GAB1: variants seen among roughly 807,000 people sequenced by gnomAD.
The protein encoded by GAB1 is GRB2 associated binding protein 1.
GAB1 carries 19 observed loss-of-function variants against 66.5 expected under a neutral mutation model. That is an observed-to-expected ratio of 0.29 (90% CI 0.20 to 0.42). The LOEUF (loss-of-function observed/expected upper bound fraction) is 0.42, where lower values mean the gene tolerates loss of function less well. Among genes scored for constraint, GAB1 ranks in the 10% least tolerant of loss-of-function variants. The pLI is 1.00. For synonymous variants in GAB1, 294 were observed against 301.4 expected, an observed-to-expected ratio of 0.98 and a Z score of 0.25; for missense variants, 732 against 858.5, an observed-to-expected ratio of 0.85 and a Z score of 1.84.
At chr4:143,382,021 C>T (rs887277818) in intron 1 of GAB1, 1 of 152,194 alleles carries the variant, frequency 6.6e-6, no homozygotes, top group Non-Finnish European at 1.5e-5. Flanking sequence ...TTAGGCCGCT[C>T]ACATGAAAGG....
At chr4:143,445,526 C>T (rs1048367484) in intron 6 of GAB1, among the ~76,000 whole-genome samples, 2 of 152,114 alleles carry the variant, frequency 1.3e-5, no homozygotes, top group Non-Finnish European at 1.5e-5. Context: ...TATTTTCTCC[C>T]ATTCTGTAGG....
rs189023325 is a variant in GAB1, at chr4:143,416,923, G to C, written c.367+1152G>C. Reference sequence around the variant, plus strand: ...AAATTGCAACCTCAAGCATAAATAGGTTATGAAGTTAGGAAATAGCCAAGG... The same window carrying C: ...AAATTGCAACCTCAAGCATAAATAGCTTATGAAGTTAGGAAATAGCCAAGG... On this transcript the variant is annotated intron_variant, in intron 2 of 9. Coordinates refer to ENST00000262994, the MANE Select transcript of GAB1 (RefSeq NM_002039.4). 3.3e-4 allele frequency among the ~76,000 whole-genome samples: 50 copies of C among 152,254 alleles called. 1 individual carries two copies. Among genetic ancestry groups the C allele is most frequent in the Admixed American group, 3.0e-3 (46 of 15,304 alleles).
chr4:143,340,996 CAA>C (rs1728806062), intron 1 of GAB1, among the ~76,000 whole-genome samples: 3 of 152,202 alleles, frequency 2.0e-5, no homozygotes, highest in Non-Finnish European at 2.9e-5. Context: ...AAATGAAAGT[CAA>C]GAGTAGTCAG....
intron 6 of GAB1, among the ~76,000 whole-genome samples, chr4:143,445,791 G>T (rs1187536240): frequency 6.6e-6 from 1 of 151,516 alleles, no homozygotes; most frequent in Non-Finnish European, 1.5e-5. Flanking sequence ...TTGTTTTTTT[G>T]TTTGTTTGTT....
At chr4:143,448,420 C>T (rs1452445145) in intron 6 of GAB1, among the ~76,000 whole-genome samples, 1 of 151,770 alleles carries the variant, frequency 6.6e-6, no homozygotes, top group African/African-American at 2.4e-5. Context: ...CCATCTGGTC[C>T]TGGACTCTTT....
At position 143,455,533 on chromosome 4, in the gene GAB1, C is replaced by T. The variant is rs548645437; in HGVS notation, c.1586-3852C>T. ...GAGGGAGCTGGAGAGCTAATGAAAA[C>T]GGATCTTTCAGACAAGGAGGAGTGC... On this transcript the variant is annotated intron_variant, in intron 6 of 9. Transcript: ENST00000262994. Among the ~76,000 whole-genome samples, 10 of 152,226 alleles carry T rather than the reference C, an allele frequency of 6.6e-5. No homozygotes were observed. The South Asian group carries it at 1.0e-3, about 16-fold the overall frequency.
intron 1 of GAB1, among the ~76,000 whole-genome samples, chr4:143,338,712 G>GTGTGTGTGTGT (rs1728734926): frequency 8.0e-5 from 12 of 149,288 alleles, no homozygotes; most frequent in African/African-American, 3.0e-4. Context: ...GAAAGGTAGG[G>GTGTGTGTGTGT]GTGTGTGTGT....
rs895993320 is a variant in GAB1, at chr4:143,349,808, G to C, written c.72+12548G>C. 21 of 1,586,772 alleles carry C rather than the reference G, an allele frequency of 1.3e-5. No homozygotes were observed. In the East Asian group the frequency reaches 4.5e-4, roughly 34 times the overall value. On this transcript the variant is annotated intron_variant, in intron 1 of 9. Transcript: ENST00000262994. ...TTGAACCTCGTGCGCTGGCCGGCACGGGTCTGCTTCTGCACTGGCATAATC... is the reference window on the plus strand; with the variant it reads ...TTGAACCTCGTGCGCTGGCCGGCACCGGTCTGCTTCTGCACTGGCATAATC...
intron 6 of GAB1, among the ~76,000 whole-genome samples, chr4:143,455,063 C>G (rs970798040): frequency 6.6e-6 from 1 of 152,130 alleles, no homozygotes; most frequent in Admixed American, 6.5e-5. Flanking sequence ...CACACAGGCT[C>G]GGGTAACTTT....
chr4:143,371,889 G>A (rs990912611), intron 1 of GAB1, among the ~76,000 whole-genome samples: 2 of 152,144 alleles, frequency 1.3e-5, no homozygotes, highest in Non-Finnish European at 2.9e-5. Flanking sequence ...TGAGGGCTCT[G>A]TACAGAACTC....
chr4:143,407,982 T>C (rs1046462202), intron 1 of GAB1, among the ~76,000 whole-genome samples: 2 of 152,186 alleles, frequency 1.3e-5, no homozygotes, highest in African/African-American at 4.8e-5. Context: ...TAAAGCAATA[T>C]ATTATAATGA....
intron 1 of GAB1, among the ~76,000 whole-genome samples, chr4:143,412,649 T>G (rs1732456125): frequency 6.6e-6 from 1 of 152,174 alleles, no homozygotes; most frequent in Non-Finnish European, 1.5e-5. Flanking sequence ...ACTATGCTAT[T>G]AGTTTACACT....
intron 6 of GAB1, among the ~76,000 whole-genome samples, chr4:143,444,640 G>A (rs1385850984): frequency 6.6e-6 from 1 of 151,986 alleles, no homozygotes; most frequent in Non-Finnish European, 1.5e-5. Context: ...AGTTTTAGGG[G>A]GGTGCATGTG....
intron 9 of GAB1, among the ~76,000 whole-genome samples, chr4:143,466,746 C>A (rs920348013): frequency 5.3e-5 from 8 of 151,926 alleles, no homozygotes; most frequent in African/African-American, 1.9e-4. Flanking sequence ...CACCTCAGCC[C>A]TCCAAAAGTG....
chr4:143,358,089 A>G (rs958028866), intron 1 of GAB1, among the ~76,000 whole-genome samples: 2 of 152,148 alleles, frequency 1.3e-5, no homozygotes, highest in African/African-American at 4.8e-5. Flanking sequence ...CTAAATTTTC[A>G]ACAGACATTT....
chr4:143,366,780 T>G (rs62337519), intron 1 of GAB1, among the ~76,000 whole-genome samples: 1 of 152,124 alleles, frequency 6.6e-6, no homozygotes, highest in Non-Finnish European at 1.5e-5. Flanking sequence ...CTAGAAATTT[T>G]CAATTTGAAA....
At chr4:143,455,511 G>A (rs932663312) in intron 6 of GAB1, among the ~76,000 whole-genome samples, 24 of 152,198 alleles carry the variant, frequency 1.6e-4, no homozygotes, top group Non-Finnish European at 7.3e-5. Context: ...AAATCAGGAG[G>A]GAGCTGGAGA....
At chr4:143,369,855 C>G (rs1053704570) in intron 1 of GAB1, among the ~76,000 whole-genome samples, 8 of 152,240 alleles carry the variant, frequency 5.3e-5, no homozygotes, top group African/African-American at 1.9e-4. Flanking sequence ...TTTATAACTG[C>G]TTTTGAAAAC....
At chr4:143,463,622 C>CAA (rs76973454) in intron 8 of GAB1, among the ~76,000 whole-genome samples, 58 of 66,262 alleles carry the variant, frequency 8.8e-4, no homozygotes, top group African/African-American at 2.2e-3. Context: ...GACTCCATCT[C>CAA]AAAAAAAAAA....
Sources: gnomAD v4.1 joint callset for allele counts (sites outside exome capture counted in the v4.1 genomes callset) on GRCh38, gnomAD v4.1.1 for gene constraint, MANE v1.5 for transcripts, NCBI Gene and HGNC (gene_info 2026-07-23, HGNC 2026-07-21) for gene names.